AKIRIN2: variants seen among roughly 807,000 people sequenced by gnomAD.
AKIRIN2 encodes akirin-2.
In AKIRIN2, 6 loss-of-function variants were observed where a neutral mutation model predicts 29.3. The observed-to-expected ratio is 0.20, with a 90% CI of 0.11 to 0.40. The LOEUF (loss-of-function observed/expected upper bound fraction) is 0.40. Ranked by LOEUF, AKIRIN2 falls within the 10% of genes least tolerant of loss-of-function variation. AKIRIN2 has a pLI of 1.00. For synonymous variants in AKIRIN2, 128 were observed against 117.5 expected (o/e 1.09, Z -0.58); for missense variants, 210 against 276.1 (o/e 0.76, Z 1.70).
chr6:87,695,568 G>C (rs1450519433), intron 1 of AKIRIN2, among the ~76,000 whole-genome samples: 2 of 152,130 alleles, frequency 1.3e-5, no homozygotes, highest in African/African-American at 4.8e-5. Context: ...AACGTTCTTT[G>C]AATCAACAGT....
chr6:87,694,861 A>G (rs1055919701), intron 1 of AKIRIN2, among the ~76,000 whole-genome samples: 2 of 152,228 alleles, frequency 1.3e-5, no homozygotes, highest in Non-Finnish European at 2.9e-5. Flanking sequence ...CACCAAAAAT[A>G]TTACAAAATC....
chr6:87,688,419 T>C (rs1398351876), intron 1 of AKIRIN2, among the ~76,000 whole-genome samples: 1 of 151,308 alleles, frequency 6.6e-6, no homozygotes, highest in Non-Finnish European at 1.5e-5. Context: ...GGCTGATCCA[T>C]CGTGCCTGGC....
At chr6:87,699,509 A>G (rs1282815377) in intron 1 of AKIRIN2, among the ~76,000 whole-genome samples, 2 of 152,166 alleles carry the variant, frequency 1.3e-5, no homozygotes, top group Non-Finnish European at 2.9e-5. Context: ...AGGTTTCAGG[A>G]TATAATCAAA....
intron 1 of AKIRIN2, 57 bp downstream of exon 1, chr6:87,701,393 A>T: frequency 6.6e-7 from 1 of 1,514,434 alleles, no homozygotes; most frequent in Non-Finnish European, 8.8e-7. Flanking sequence ...CCCACACCCC[A>T]GGACCCCTGT....
At chr6:87,680,305 TGAGTCTCA>T (rs1771097543) in intron 2 of AKIRIN2, among the ~76,000 whole-genome samples, 1 of 88,310 alleles carries the variant, frequency 1.1e-5, no homozygotes, top group African/African-American at 4.3e-5. Flanking sequence ...TTTTTTTTTT[TGAGTCTCA>T]TTCTGTCACC....
intron 2 of AKIRIN2, 90 bp from the exon 3 acceptor site, chr6:87,678,057 C>T (rs928277378): frequency 3.8e-5 from 45 of 1,198,064 alleles, no homozygotes; most frequent in Non-Finnish European, 4.7e-5. Context: ...TGGATCTCTT[C>T]AATCTTGATA....
chr6:87,680,786 TA>T (rs201863649), intron 2 of AKIRIN2, among the ~76,000 whole-genome samples: 2,727 of 81,552 alleles, frequency 0.033, 89 homozygotes, highest in African/African-American at 0.095. Context: ...TTTTTTTTTT[TA>T]AAAAAAAGGA....
intron 1 of AKIRIN2, among the ~76,000 whole-genome samples, chr6:87,690,523 G>GA (rs1771262581): frequency 6.6e-6 from 1 of 152,064 alleles, no homozygotes; most frequent in Non-Finnish European, 1.5e-5. Flanking sequence ...ACCTACTTAG[G>GA]AAAACTCATT....
At chr6:87,675,709 A>G in intron 4 of AKIRIN2, 102 bp from the exon 5 acceptor site, 1 of 1,512,700 alleles carries the variant, frequency 6.6e-7, no homozygotes, top group East Asian at 2.3e-5. Context: ...TTAAGTAACC[A>G]AAAGACTTGC....
intron 1 of AKIRIN2, among the ~76,000 whole-genome samples, chr6:87,699,386 C>G (rs1562401907): frequency 6.6e-6 from 1 of 152,118 alleles, no homozygotes. Flanking sequence ...GTAATTTTAG[C>G]AAGTCAAAAT....
chr6:87,699,410 T>C (rs1771422512), intron 1 of AKIRIN2, among the ~76,000 whole-genome samples: 1 of 149,996 alleles, frequency 6.7e-6, no homozygotes, highest in African/African-American at 2.5e-5. Flanking sequence ...AATTTCAACT[T>C]GTTTTCTCAA....
intron 1 of AKIRIN2, among the ~76,000 whole-genome samples, chr6:87,693,371 C>T (rs1771308697): frequency 6.6e-6 from 1 of 152,110 alleles, no homozygotes; most frequent in Non-Finnish European, 1.5e-5. Context: ...TGCTTCAAGA[C>T]TCTAAAATGC....
chr6:87,699,339 CATT>C (rs1771421524), intron 1 of AKIRIN2, among the ~76,000 whole-genome samples: 1 of 152,152 alleles, frequency 6.6e-6, no homozygotes, highest in Non-Finnish European at 1.5e-5. Context: ...AACTAAATTA[CATT>C]TAGAATGTCA....
At chr6:87,677,258 A>G (rs910233051) in intron 3 of AKIRIN2, among the ~76,000 whole-genome samples, 1 of 152,200 alleles carries the variant, frequency 6.6e-6, no homozygotes, top group African/African-American at 2.4e-5. Context: ...GTTGTTATAT[A>G]TCTAAGCAAA....
chr6:87,691,440 TAAAAAAAAAAA>T (rs34981397), intron 1 of AKIRIN2, among the ~76,000 whole-genome samples: 20 of 84,838 alleles, frequency 2.4e-4, no homozygotes, highest in African/African-American at 5.9e-4. Context: ...AACCTCATCT[TAAAAAAAAAAA>T]AAAAAAAAAA....
At chr6:87,690,364 A>G (rs1771259815) in intron 1 of AKIRIN2, among the ~76,000 whole-genome samples, 1 of 152,214 alleles carries the variant, frequency 6.6e-6, no homozygotes, top group Admixed American at 6.5e-5. Flanking sequence ...AGCTAACTTA[A>G]AATCATTTTG....
intron 1 of AKIRIN2, among the ~76,000 whole-genome samples, chr6:87,692,183 C>T (rs1192268269): frequency 6.6e-6 from 1 of 152,180 alleles, no homozygotes; most frequent in Non-Finnish European, 1.5e-5. Context: ...TTGATGGCAA[C>T]TCTTTTGTAG....
At chr6:87,681,853 AC>A in intron 1 of AKIRIN2, 90 bp from the exon 2 acceptor site, 1 of 1,047,714 alleles carries the variant, frequency 9.5e-7, no homozygotes, top group Non-Finnish European at 1.3e-6. Flanking sequence ...AGACCAATCT[AC>A]CCAAAATACT....
chr6:87,683,230 C>G (rs931337707), intron 1 of AKIRIN2, among the ~76,000 whole-genome samples: 1 of 152,120 alleles, frequency 6.6e-6, no homozygotes, highest in East Asian at 1.9e-4. Context: ...TATACATACA[C>G]GAATGTGCAG....
Sources: allele counts gnomAD v4.1 joint callset (sites outside exome capture counted in the v4.1 genomes callset), GRCh38; gene constraint gnomAD v4.1.1; transcripts MANE v1.5; gene names NCBI Gene and HGNC (gene_info 2026-07-23, HGNC 2026-07-21).